Variants in COL22A1 observed in about 807,000 individuals in gnomAD.
COL22A1 encodes the protein collagen type XXII alpha 1 chain, also known as collagen alpha-1(XXII) chain.
COL22A1 carries 221 observed loss-of-function variants against 248.9 expected under a neutral mutation model. The ratio of observed to expected loss-of-function variants is 0.89; its 90% CI spans 0.80 to 0.99. COL22A1 has a LOEUF of 0.99. COL22A1 is among the 50% of genes least tolerant of loss of function. The probability of loss-of-function intolerance (pLI) is 0.00; values close to 1 mark genes in which losing one functional copy is unlikely to be tolerated. For synonymous variants in COL22A1, 891 were observed against 793.4 expected (o/e 1.12, Z -2.07); for missense variants, 2,240 against 2,179.0 (o/e 1.03, Z -0.56).
intron 30 of COL22A1, among the ~76,000 whole-genome samples, chr8:138,708,760 T>C (rs1178659518): frequency 6.6e-6 from 1 of 152,094 alleles, no homozygotes; most frequent in Non-Finnish European, 1.5e-5. Flanking sequence ...CCAAAAGTAA[T>C]GGCAACAAAA....
At chr8:138,708,648 A>G (rs1828690009) in intron 30 of COL22A1, among the ~76,000 whole-genome samples, 1 of 152,262 alleles carries the variant, frequency 6.6e-6, no homozygotes, top group South Asian at 2.1e-4. Context: ...AAGATGGGTT[A>G]AAGACTTAAA....
chr8:138,856,071 G>A (rs1821983072), intron 3 of COL22A1, among the ~76,000 whole-genome samples: 1 of 152,216 alleles, frequency 6.6e-6, no homozygotes, highest in South Asian at 2.1e-4. Context: ...AAGGGGCCGT[G>A]CCTAGAGCTT....
At chr8:138,659,708 G>A (rs1206696689) in intron 44 of COL22A1, among the ~76,000 whole-genome samples, 1 of 152,106 alleles carries the variant, frequency 6.6e-6, no homozygotes, top group African/African-American at 2.4e-5. Context: ...TCAGTCAGAG[G>A]GTGTCCCAGG....
chr8:138,742,076 G>A (rs1357915391), intron 22 of COL22A1, among the ~76,000 whole-genome samples: 1 of 151,188 alleles, frequency 6.6e-6, no homozygotes, highest in African/African-American at 2.4e-5. Context: ...GATGGTGATG[G>A]TGATGATGGT....
chr8:138,771,683 G>A (rs947387848), intron 16 of COL22A1, among the ~76,000 whole-genome samples: 7 of 152,238 alleles, frequency 4.6e-5, no homozygotes, highest in Admixed American at 2.6e-4. Flanking sequence ...GTGGGAAAAA[G>A]TAATAAATGT....
At chr8:138,753,237 C>T (rs1041390684) in intron 21 of COL22A1, among the ~76,000 whole-genome samples, 1 of 152,184 alleles carries the variant, frequency 6.6e-6, no homozygotes, top group Admixed American at 6.5e-5. Flanking sequence ...GCTCTACAAG[C>T]GTGTGTTAAG....
intron 6 of COL22A1, 49 bp downstream of exon 6, chr8:138,826,609 G>A (rs775391609): frequency 2.5e-6 from 4 of 1,600,152 alleles, no homozygotes; most frequent in Admixed American, 3.3e-5. Context: ...ACTGTGAGAG[G>A]GGAACAGAAA....
intron 2 of COL22A1, among the ~76,000 whole-genome samples, chr8:138,881,601 C>T (rs1824215882): frequency 1.3e-5 from 2 of 152,200 alleles, no homozygotes; most frequent in African/African-American, 4.8e-5. Context: ...AGGAGAATGG[C>T]GTGAACCCGG....
At chr8:138,735,426 T>C (rs528223772) in intron 23 of COL22A1, among the ~76,000 whole-genome samples, 1 of 152,320 alleles carries the variant, frequency 6.6e-6, no homozygotes, top group East Asian at 1.9e-4. Flanking sequence ...CACAGCTCAA[T>C]GTCTGGCCTT....
intron 4 of COL22A1, 54 bp downstream of exon 4, chr8:138,844,030 G>A (rs889999866): frequency 1.3e-5 from 19 of 1,500,862 alleles, no homozygotes; most frequent in African/African-American, 5.5e-5. Flanking sequence ...TCATGCTCAG[G>A]CTCAGCAAAT....
chr8:138,804,527 T>G (rs1586782041), intron 10 of COL22A1, among the ~76,000 whole-genome samples: 1 of 152,200 alleles, frequency 6.6e-6, no homozygotes, highest in South Asian at 2.1e-4. Flanking sequence ...CCAGGTAGTT[T>G]GCGCTTTCCT....
rs1423119090 is a variant in COL22A1 at position 138,807,931 on chromosome 8, C to T, written c.1450-119G>A. On this transcript the variant is annotated intron_variant, in intron 9 of 64. Coordinates refer to ENST00000303045, the MANE Select transcript of COL22A1 (RefSeq NM_152888.3). Reference sequence around the variant, plus strand: ...GCCAATGGCTTAGTAAGCCCAGCGCCGACCAATGAGTTGGGCAAGGAAATT... The same window carrying T: ...GCCAATGGCTTAGTAAGCCCAGCGCTGACCAATGAGTTGGGCAAGGAAATT... The T allele has an allele frequency of 3.1e-5, 30 of 964,794 alleles. No homozygotes were observed. In the Middle Eastern group the frequency reaches 6.7e-4, roughly 22 times the overall value. 59.8% of individuals were successfully genotyped at this position (964,794 alleles called of 1,614,324 possible). A position where few individuals can be genotyped will look rare whatever the true frequency, so the allele number is the denominator to read the frequency against.
rs1186082894 is a variant in COL22A1, at chr8:138,720,861, G to A, written c.2302-69C>T. ...TTGGATTAAACAACACAAAGTACTA[G>A]GCACAGGTTGGAAGGAAGAGAACTA... On this transcript the variant is annotated intron_variant, in intron 26 of 64. Transcript: ENST00000303045. The A allele has an allele frequency of 7.1e-6, 9 of 1,276,046 alleles. 1 individual carries two copies. In the Admixed American group the frequency reaches 1.3e-4, roughly 19 times the overall value. 79.0% of individuals were successfully genotyped at this position (1,276,046 alleles called of 1,614,324 possible).
At position 138,591,419 on chromosome 8, in the gene COL22A1, C is replaced by G; in HGVS notation, c.4693+5G>C. The G allele has an allele frequency of 6.3e-7, 1 of 1,577,238 alleles. No individual in the cohort carries two copies. Among genetic ancestry groups the G allele is most frequent in the Non-Finnish European group, 8.6e-7 (1 of 1,161,546 alleles). On this transcript the variant is annotated splice_donor_5th_base_variant and intron_variant, in intron 64 of 64. Transcript: ENST00000303045. ...CTACCCCTGAGACTGCAGAATGAGTCATACCTGGGATTCCAGGGGGTCCCA... is the reference window on the plus strand; with the variant it reads ...CTACCCCTGAGACTGCAGAATGAGTGATACCTGGGATTCCAGGGGGTCCCA...
Position 138,676,562 on chromosome 8 carries a change from G to A in COL22A1, c.3146C>T (p.Pro1049Leu), listed in dbSNP as rs545660290. 1 of 1,561,914 alleles carries A rather than the reference G, an allele frequency of 6.4e-7. No homozygotes were observed. The change falls in exon 41 of 65, where the codon CCT becomes CTT. Residue 1049 changes from proline (P) to leucine (L), a missense_variant. Physicochemically the swap from Pro to Leu is moderately conservative, Grantham distance 98. Coordinates refer to ENST00000303045, the MANE Select transcript of COL22A1 (RefSeq NM_152888.3). ...GCTGGATAAATAAAGACTTACAGGAGGGCCAGCAACCCCAATGCCTGGGTC... is the reference window on the plus strand; with the variant it reads ...GCTGGATAAATAAAGACTTACAGGAAGGCCAGCAACCCCAATGCCTGGGTC... ...RGDPGIGVAG[P>L]PGPSGPPGDK...
intron 38 of COL22A1, among the ~76,000 whole-genome samples, chr8:138,684,865 G>C (rs1826218566): frequency 6.6e-6 from 1 of 152,172 alleles, no homozygotes; most frequent in African/African-American, 2.4e-5. Context: ...TGGAAGTCTT[G>C]GCTGAAAGCA....
intron 47 of COL22A1, among the ~76,000 whole-genome samples, chr8:138,640,600 C>T (rs4909436): frequency 0.82 from 124,126 of 152,064 alleles, 52,435 homozygotes; most frequent in East Asian, 0.96. Context: ...CCCCTTGTTC[C>T]ATGGTGTTAG....
chr8:138,645,688 T>C (rs1822143340), intron 47 of COL22A1, among the ~76,000 whole-genome samples: 2 of 152,178 alleles, frequency 1.3e-5, no homozygotes, highest in Non-Finnish European at 2.9e-5. Context: ...GTTAAGAAAC[T>C]ATCCCAAGGT....
At chr8:138,697,141 G>C (rs1295632472) in intron 32 of COL22A1, among the ~76,000 whole-genome samples, 1 of 152,164 alleles carries the variant, frequency 6.6e-6, no homozygotes, top group Non-Finnish European at 1.5e-5. Context: ...CTAGGAGTCA[G>C]GAGGCAGCAC....
Sources: allele counts gnomAD v4.1 joint callset (sites outside exome capture counted in the v4.1 genomes callset), GRCh38; gene constraint gnomAD v4.1.1; transcripts MANE v1.5; gene names NCBI Gene and HGNC (gene_info 2026-07-23, HGNC 2026-07-21).